The following FLRT2 variants were observed in gnomAD, a reference collection of about 807,000 sequenced individuals.
FLRT2 encodes leucine-rich repeat transmembrane protein FLRT2.
FLRT2 carries 15 observed loss-of-function variants against 40.0 expected under a neutral mutation model. The ratio of observed to expected loss-of-function variants is 0.38; its 90% CI spans 0.25 to 0.58. The LOEUF (loss-of-function observed/expected upper bound fraction) is 0.58. FLRT2 is among the 20% of genes least tolerant of loss of function. The pLI, the probability that FLRT2 is intolerant of heterozygous loss-of-function variation, is 0.71. For missense variants in FLRT2, 726 were observed against 840.0 expected (o/e 0.86, Z 1.68); for synonymous variants, 380 against 336.8 (o/e 1.13, Z -1.41).
chr14:85,643,346 TCTTTCTTTCTTCCTTC>T lies in FLRT2; in HGVS notation c.*19853_*19868del, dbSNP rs1894207815. On this transcript the variant is annotated 3_prime_UTR_variant, in exon 2 of 2. Transcript: ENST00000330753. ...TTCTTTCTTTCTTTCTTTCTTTCTT[TCTTTCTTTCTTCCTTC>T]CTTCCTTCCTTCCTTTCTTTCCTTT... 6.9e-5 allele frequency: 4 copies of T among 58,362 alleles called. No individual in the cohort carries two copies. Among genetic ancestry groups the T allele is most frequent in the African/African-American group, 2.4e-4 (4 of 16,742 alleles). 3.6% of individuals were successfully genotyped at this position (58,362 alleles called of 1,614,324 possible).
intron 1 of FLRT2, among the ~76,000 whole-genome samples, chr14:85,550,724 C>G (rs1889569990): frequency 6.8e-6 from 1 of 146,604 alleles, no homozygotes; most frequent in Admixed American, 6.9e-5. Context: ...AAAGAAGGAT[C>G]TATAGAACAC....
In FLRT2 at chr14:85,622,045, G is replaced by T. The variant is rs1237786026; in HGVS notation, c.531G>T (p.Gly177=). The T allele has an allele frequency of 6.2e-7, 1 of 1,613,810 alleles. No individual in the cohort carries two copies. Among genetic ancestry groups the T allele is most frequent in the South Asian group, 1.1e-5 (1 of 91,014 alleles). Residue 177 remains glycine (G), a synonymous_variant, in exon 2 of 2, where the codon GGG becomes GGT. Transcript: ENST00000330753. The stretch of plus-strand genomic sequence containing the variant: ...ATCACCTGAGCAGTGTGCCTGTTGG[G>T]CTTCCTGTGGACTTGCAAGAGCTGA... ...SKNHLSSVPV[G]LPVDLQELRV...
intron 1 of FLRT2, among the ~76,000 whole-genome samples, chr14:85,551,335 G>A (rs1889606566): frequency 6.6e-6 from 1 of 152,110 alleles, no homozygotes; most frequent in African/African-American, 2.4e-5. Flanking sequence ...GTAAGGAATG[G>A]GGTTGCCTGG....
At chr14:85,611,975 C>A (rs1288239457) in intron 1 of FLRT2, among the ~76,000 whole-genome samples, 2 of 129,558 alleles carry the variant, frequency 1.5e-5, no homozygotes, top group Admixed American at 8.4e-5. Flanking sequence ...TTGGGACCAC[C>A]TTTCAGCTGT....
At position 85,633,212 on chromosome 14, in the gene FLRT2, A is replaced by C. The variant is rs1893925422; in HGVS notation, c.*9715A>C. On this transcript the variant is annotated 3_prime_UTR_variant, in exon 2 of 2. Coordinates refer to ENST00000330753, the MANE Select transcript of FLRT2 (RefSeq NM_013231.6). The stretch of plus-strand genomic sequence containing the variant: ...GCTATTATCAAGATGGGTCTGTCAG[A>C]AAGGTTTTCATTATTCTGTATTCTT... 1 of 152,172 alleles carries C rather than the reference A, an allele frequency of 6.6e-6. No homozygotes were observed. Among genetic ancestry groups the C allele is most frequent in the African/African-American group, 2.4e-5 (1 of 41,442 alleles). 9.4% of individuals were successfully genotyped at this position (152,172 alleles called of 1,614,324 possible).
intron 1 of FLRT2, among the ~76,000 whole-genome samples, chr14:85,560,370 T>G (rs1242048576): frequency 6.6e-6 from 1 of 151,790 alleles, no homozygotes; most frequent in Non-Finnish European, 1.5e-5. Context: ...CGAGGTCAAG[T>G]TCAAGACCAG....
At chr14:85,538,003 ATG>A (rs1445587912) in intron 1 of FLRT2, among the ~76,000 whole-genome samples, 6 of 152,160 alleles carry the variant, frequency 3.9e-5, no homozygotes, top group African/African-American at 1.4e-4. Flanking sequence ...AGAAGAGTTA[ATG>A]ATGCAGAAAA....
intron 1 of FLRT2, among the ~76,000 whole-genome samples, chr14:85,555,013 T>A (rs1049650988): frequency 4.6e-5 from 7 of 152,202 alleles, no homozygotes; most frequent in African/African-American, 1.7e-4. Context: ...ATCACTTTGA[T>A]AGTATAACTT....
chr14:85,592,640 T>A (rs1333379262), intron 1 of FLRT2, among the ~76,000 whole-genome samples: 1 of 143,476 alleles, frequency 7.0e-6, no homozygotes, highest in African/African-American at 2.7e-5. Flanking sequence ...AATACAAAAA[T>A]TAGTCGAGCA....
chr14:85,579,464 T>C (rs1891289358), intron 1 of FLRT2, among the ~76,000 whole-genome samples: 1 of 152,072 alleles, frequency 6.6e-6, no homozygotes, highest in African/African-American at 2.4e-5. Context: ...ATTTCATTTA[T>C]GCTTAGGTTA....
chr14:85,605,518 C>T (rs903716873), intron 1 of FLRT2, among the ~76,000 whole-genome samples: 3 of 152,196 alleles, frequency 2.0e-5, no homozygotes, highest in Non-Finnish European at 4.4e-5. Flanking sequence ...CGCCTGTAAT[C>T]CCAGCACTTT....
rs558995320 is a variant in FLRT2, at chr14:85,611,990, C to G, written c.-376-9149C>G. 4.9e-5 allele frequency among the ~76,000 whole-genome samples: 6 copies of G among 122,518 alleles called. No homozygotes were observed. In the South Asian group the frequency reaches 1.8e-3, roughly 36 times the overall value. The allele number at this position is 122,518 out of a possible 152,430, so 80.4% of individuals were successfully genotyped here. On this transcript the variant is annotated intron_variant, in intron 1 of 1. Coordinates refer to ENST00000330753, the MANE Select transcript of FLRT2 (RefSeq NM_013231.6). ...TTGGGACCACCTTTCAGCTGTGTTG[C>G]CTCCCTCTGGTGGCCATTATATGCA...
At chr14:85,533,561 C>A (rs958197860) in intron 1 of FLRT2, among the ~76,000 whole-genome samples, 1 of 152,130 alleles carries the variant, frequency 6.6e-6, no homozygotes, top group Non-Finnish European at 1.5e-5. Context: ...CTGCCGCCTT[C>A]CCCGCTCGCT....
At chr14:85,600,084 T>C (rs572515768) in intron 1 of FLRT2, among the ~76,000 whole-genome samples, 1 of 152,238 alleles carries the variant, frequency 6.6e-6, no homozygotes, top group South Asian at 2.1e-4. Context: ...TAGCTATAAA[T>C]AAAGGAGGAG....
chr14:85,578,157 T>C (rs963308016), intron 1 of FLRT2, among the ~76,000 whole-genome samples: 7 of 143,258 alleles, frequency 4.9e-5, no homozygotes, highest in African/African-American at 1.7e-4. Flanking sequence ...TATATAAAAA[T>C]ATCTTTATAT....
chr14:85,604,415 A>T (rs1322917601), intron 1 of FLRT2, among the ~76,000 whole-genome samples: 1 of 152,190 alleles, frequency 6.6e-6, no homozygotes, highest in Non-Finnish European at 1.5e-5. Flanking sequence ...CAATTTACTA[A>T]GCACTCGAAT....
chr14:85,536,383 G>A (rs887190308), intron 1 of FLRT2, among the ~76,000 whole-genome samples: 3 of 152,056 alleles, frequency 2.0e-5, no homozygotes, highest in African/African-American at 7.2e-5. Flanking sequence ...GATCTGAAGC[G>A]TCTGAAGTTA....
chr14:85,600,582 C>T (rs909635370), intron 1 of FLRT2, among the ~76,000 whole-genome samples: 3 of 152,086 alleles, frequency 2.0e-5, no homozygotes, highest in African/African-American at 7.2e-5. Context: ...GAATCTAATC[C>T]TTGCAGAGAA....
chr14:85,612,132 G>A (rs1293964106), intron 1 of FLRT2, among the ~76,000 whole-genome samples: 4 of 100,000 alleles, frequency 4.0e-5, no homozygotes, highest in Non-Finnish European at 3.9e-5. Flanking sequence ...TTATTGGTGG[G>A]AACTCTTTAA....
Sources: allele counts gnomAD v4.1 joint callset (sites outside exome capture counted in the v4.1 genomes callset), GRCh38; gene constraint gnomAD v4.1.1; transcripts MANE v1.5; gene names NCBI Gene and HGNC (gene_info 2026-07-23, HGNC 2026-07-21).